CSMD1: variants seen among roughly 807,000 people sequenced by gnomAD.
CSMD1 encodes CUB and Sushi multiple domains 1, also known as CUB and sushi domain-containing protein 1.
Under a neutral mutation model 417.5 loss-of-function variants are expected in CSMD1, and 213 were observed. The ratio of observed to expected loss-of-function variants is 0.51; its 90% CI spans 0.46 to 0.57. CSMD1 has a LOEUF of 0.57. Ranked by LOEUF, CSMD1 falls within the 20% of genes least tolerant of loss-of-function variation. The probability of loss-of-function intolerance (pLI) is 0.00; values close to 1 mark genes in which losing one functional copy is unlikely to be tolerated. For missense variants in CSMD1, 6,923 were observed against 4,529.7 expected (o/e 1.53, Z -15.17); for synonymous variants, 2,862 against 1,736.8 (o/e 1.65, Z -16.11).
At chr8:3,110,704 G>A (rs1349965760) in intron 42 of CSMD1, among the ~76,000 whole-genome samples, 1 of 152,168 alleles carries the variant, frequency 6.6e-6, no homozygotes, top group African/African-American at 2.4e-5. Flanking sequence ...ATATGTAACT[G>A]CTTTTTCTAA....
chr8:4,714,538 G>A (rs905384477), intron 1 of CSMD1, among the ~76,000 whole-genome samples: 4 of 152,132 alleles, frequency 2.6e-5, no homozygotes, highest in Non-Finnish European at 4.4e-5. Context: ...ATAACAGATA[G>A]AGAAGGCCCA....
intron 1 of CSMD1, among the ~76,000 whole-genome samples, chr8:4,986,181 G>T (rs1811170601): frequency 6.6e-6 from 1 of 152,192 alleles, no homozygotes; most frequent in African/African-American, 2.4e-5. Context: ...TCTAACTTCA[G>T]TGGAATCCAC....
At chr8:3,065,269 C>T (rs1812851226) in intron 49 of CSMD1, among the ~76,000 whole-genome samples, 1 of 151,154 alleles carries the variant, frequency 6.6e-6, no homozygotes, top group African/African-American at 2.4e-5. Flanking sequence ...GAGAGGAAGA[C>T]TGGAATATGA....
At chr8:3,967,328 A>G (rs557640110) in intron 5 of CSMD1, among the ~76,000 whole-genome samples, 1 of 152,212 alleles carries the variant, frequency 6.6e-6, no homozygotes, top group South Asian at 2.1e-4. Flanking sequence ...AAATGATGGT[A>G]CGGCTTCTCC....
chr8:3,970,310 G>A (rs764445970), intron 5 of CSMD1, among the ~76,000 whole-genome samples: 1 of 152,096 alleles, frequency 6.6e-6, no homozygotes, highest in Non-Finnish European at 1.5e-5. Context: ...GTAGAGGCAC[G>A]GTGATCAACA....
chr8:3,982,646 G>T (rs1032693936), intron 5 of CSMD1, among the ~76,000 whole-genome samples: 1 of 152,040 alleles, frequency 6.6e-6, no homozygotes, highest in African/African-American at 2.4e-5. Context: ...AATTATGTGG[G>T]GCAAAGATAG....
At chr8:4,463,888 G>A (rs6558885) in intron 2 of CSMD1, among the ~76,000 whole-genome samples, 25,682 of 151,996 alleles carry the variant, frequency 0.17, 2,446 homozygotes, top group African/African-American at 0.25. Flanking sequence ...CAATATTGTG[G>A]TATGTGAATC....
chr8:4,270,481 C>T (rs1305914240), intron 3 of CSMD1, among the ~76,000 whole-genome samples: 1 of 152,128 alleles, frequency 6.6e-6, no homozygotes, highest in African/African-American at 2.4e-5. Context: ...TTTCTTCTCC[C>T]CATGTGGCAT....
At chr8:4,267,872 G>C (rs937367957) in intron 3 of CSMD1, among the ~76,000 whole-genome samples, 1 of 152,034 alleles carries the variant, frequency 6.6e-6, no homozygotes, top group Non-Finnish European at 1.5e-5. Flanking sequence ...ATATACTTGT[G>C]ATTAAATTTT....
chr8:3,875,648 G>T (rs1185377444), intron 5 of CSMD1, among the ~76,000 whole-genome samples: 1 of 152,174 alleles, frequency 6.6e-6, no homozygotes, highest in Non-Finnish European at 1.5e-5. Flanking sequence ...TCCGGAGCAT[G>T]GAAGTGGGTG....
chr8:4,174,571 C>T (rs752719236), intron 3 of CSMD1, among the ~76,000 whole-genome samples: 5 of 150,412 alleles, frequency 3.3e-5, no homozygotes, highest in East Asian at 4.0e-4. Context: ...ATACTGCATG[C>T]ACTCTGGCTG....
At chr8:4,468,018 C>T (rs1008159165) in intron 2 of CSMD1, among the ~76,000 whole-genome samples, 5 of 151,892 alleles carry the variant, frequency 3.3e-5, no homozygotes, top group African/African-American at 1.2e-4. Context: ...GTGATAACCC[C>T]ATCTCTCACA....
chr8:4,546,095 T>G (rs1222217119), intron 2 of CSMD1, among the ~76,000 whole-genome samples: 1 of 152,198 alleles, frequency 6.6e-6, no homozygotes, highest in Non-Finnish European at 1.5e-5. Flanking sequence ...CAGGTATAAA[T>G]GGAAAGATTT....
At chr8:3,195,707 G>C (rs1796668321) in intron 33 of CSMD1, among the ~76,000 whole-genome samples, 1 of 152,128 alleles carries the variant, frequency 6.6e-6, no homozygotes, top group African/African-American at 2.4e-5. Context: ...CCTCCACTGT[G>C]AACACTCGAG....
At chr8:4,762,521 C>A (rs1812179401) in intron 1 of CSMD1, among the ~76,000 whole-genome samples, 1 of 152,008 alleles carries the variant, frequency 6.6e-6, no homozygotes, top group African/African-American at 2.4e-5. Flanking sequence ...TATATGTCTC[C>A]TAAAAAACAT....
intron 2 of CSMD1, among the ~76,000 whole-genome samples, chr8:4,618,521 C>G (rs532561175): frequency 4.2e-4 from 64 of 151,776 alleles, no homozygotes; most frequent in African/African-American, 1.5e-3. Flanking sequence ...TTTTCTCTAG[C>G]TCTGTGTACA....
chr8:3,118,435 T>G lies in CSMD1; in HGVS notation c.6394A>C (p.Asn2132His), dbSNP rs1176229812. Residue 2132 changes from asparagine to histidine, a missense_variant, in exon 42 of 70, where the codon AAC becomes CAC. Transcript: ENST00000635120. ...HPVLTCQHGINRNWNYPFPRC... is the reference protein window; with the variant it reads ...HPVLTCQHGIHRNWNYPFPRC... ...GGAAAAGGGTAGTTCCAGTTTCTGT[T>G]GATCCCATGCTGACAAGTGAGGACA... 4 of 1,613,608 alleles carry G rather than the reference T, an allele frequency of 2.5e-6. No individual in the cohort carries two copies. The highest frequency in any genetic ancestry group is 1.1e-5 in the South Asian group (1 of 90,996).
intron 12 of CSMD1, among the ~76,000 whole-genome samples, chr8:3,421,575 G>C (rs1322772156): frequency 1.3e-5 from 2 of 152,116 alleles, no homozygotes; most frequent in South Asian, 2.1e-4. Flanking sequence ...TAGCCTGTTT[G>C]ATTATGTGTT....
At chr8:4,471,829 C>T (rs1273623797) in intron 2 of CSMD1, among the ~76,000 whole-genome samples, 3 of 152,094 alleles carry the variant, frequency 2.0e-5, no homozygotes, top group Admixed American at 2.0e-4. Context: ...TGTCTAATGA[C>T]TACGCTGCAA....
Sources: gnomAD v4.1 joint callset for allele counts (sites outside exome capture counted in the v4.1 genomes callset) on GRCh38, gnomAD v4.1.1 for gene constraint, MANE v1.5 for transcripts, NCBI Gene and HGNC (gene_info 2026-07-23, HGNC 2026-07-21) for gene names.